Variants in FMNL2 observed in about 807,000 individuals in gnomAD.
FMNL2 encodes the protein formin like 2.
Under a neutral mutation model 130.2 loss-of-function variants are expected in FMNL2, and 51 were observed. That is an observed-to-expected ratio of 0.39 (90% CI 0.31 to 0.49). The LOEUF is 0.49. FMNL2 is among the 20% of genes least tolerant of loss of function. The pLI, the probability that FMNL2 is intolerant of heterozygous loss-of-function variation, is 0.85. For missense variants in FMNL2, 977 were observed against 1,316.2 expected, an observed-to-expected ratio of 0.74 and a Z score of 3.99; for synonymous variants, 465 against 467.1, an observed-to-expected ratio of 1.00 and a Z score of 0.06.
At chr2:152,488,288 A>G (rs952311029) in intron 1 of FMNL2, among the ~76,000 whole-genome samples, 2 of 152,162 alleles carry the variant, frequency 1.3e-5, no homozygotes, top group Non-Finnish European at 2.9e-5. Flanking sequence ...TCTTCTTATT[A>G]TTTCACAATT....
intron 1 of FMNL2, among the ~76,000 whole-genome samples, chr2:152,353,544 GCTTGTTTATGA>G (rs1236789949): frequency 2.0e-5 from 3 of 152,162 alleles, no homozygotes; most frequent in Non-Finnish European, 4.4e-5. Flanking sequence ...ATTTAACAAA[GCTTGTTTATGA>G]TCTTGGACTT....
intron 4 of FMNL2, among the ~76,000 whole-genome samples, chr2:152,551,620 T>C (rs1352588584): frequency 6.6e-5 from 10 of 152,198 alleles, no homozygotes; most frequent in African/African-American, 2.4e-4. Context: ...AATTACTCAA[T>C]AATGATGAAA....
intron 1 of FMNL2, among the ~76,000 whole-genome samples, chr2:152,452,685 G>A (rs188154581): frequency 1.3e-4 from 20 of 149,206 alleles, no homozygotes; most frequent in South Asian, 1.0e-3. Flanking sequence ...TTGGTGGGGA[G>A]CAGTAACCGA....
At chr2:152,424,331 G>A (rs1299706729) in intron 1 of FMNL2, among the ~76,000 whole-genome samples, 1 of 151,828 alleles carries the variant, frequency 6.6e-6, no homozygotes, top group Non-Finnish European at 1.5e-5. Flanking sequence ...CATACTTAAT[G>A]TGTAATGTAC....
rs1198316488 is a variant in FMNL2 at position 152,630,097 on chromosome 2, T to C, written c.2550+192T>C. On this transcript the variant is annotated intron_variant, in intron 20 of 25. Coordinates refer to ENST00000288670, the MANE Select transcript of FMNL2 (RefSeq NM_052905.4). Reference sequence around the variant, plus strand: ...TTACTCATACCCTTTGACTCAGTATTTCCATTTCTAGGAATTTTTTCTCAA... The same window carrying C: ...TTACTCATACCCTTTGACTCAGTATCTCCATTTCTAGGAATTTTTTCTCAA... 2.6e-5 allele frequency among the ~76,000 whole-genome samples: 4 copies of C among 152,232 alleles called. No individual in the cohort carries two copies. The East Asian group carries it at 7.7e-4, about 29-fold the overall frequency.
chr2:152,385,540 C>T lies in FMNL2; in HGVS notation c.117+49820C>T, dbSNP rs115528266. ...GCCCTATGAATGTGTAATATGTTGT[C>T]GACCAGATGGTCATATAATGCTCAC... On this transcript the variant is annotated intron_variant, in intron 1 of 25. Coordinates refer to ENST00000288670, the MANE Select transcript of FMNL2 (RefSeq NM_052905.4). Among the ~76,000 whole-genome samples the T allele has an allele frequency of 6.7e-3, 1,024 of 152,216 alleles. 20 individuals carry two copies. The highest frequency in any genetic ancestry group is 0.023 in the African/African-American group (969 of 41,516).
chr2:152,383,273 C>CTTTTTTTTTTTT (rs35206829), intron 1 of FMNL2, among the ~76,000 whole-genome samples: 254 of 97,444 alleles, frequency 2.6e-3, no homozygotes, highest in Middle Eastern at 7.8e-3. Context: ...TCCGTTAATC[C>CTTTTTTTTTTTT]TTTTTTTTTT....
chr2:152,553,099 A>G (rs1695026974), intron 4 of FMNL2, among the ~76,000 whole-genome samples: 1 of 151,636 alleles, frequency 6.6e-6, no homozygotes, highest in Non-Finnish European at 1.5e-5. Flanking sequence ...GAAGATGCTG[A>G]GGAACTGCTT....
At chr2:152,346,069 C>T (rs892567364) in intron 1 of FMNL2, among the ~76,000 whole-genome samples, 6 of 151,886 alleles carry the variant, frequency 4.0e-5, no homozygotes, top group Admixed American at 1.3e-4. Flanking sequence ...CTGTTGCCCA[C>T]GCTGGAGTGC....
rs1251072445 is a variant in FMNL2, at chr2:152,649,369, A to AACTT, written c.*1466_*1469dup. 2.0e-5 allele frequency: 3 copies of AACTT among 152,490 alleles called. No individual in the cohort carries two copies. Among genetic ancestry groups the AACTT allele is most frequent in the Non-Finnish European group, 4.4e-5 (3 of 68,020 alleles). 9.4% of individuals were successfully genotyped at this position (152,490 alleles called of 1,614,324 possible). A position where few individuals can be genotyped will look rare whatever the true frequency, so the allele number is the denominator to read the frequency against. On this transcript the variant is annotated 3_prime_UTR_variant, in exon 26 of 26. Coordinates refer to ENST00000288670, the MANE Select transcript of FMNL2 (RefSeq NM_052905.4). The stretch of plus-strand genomic sequence containing the variant: ...TGCTATACAATCTGAATGTTATTTT[A>AACTT]ACTTATAGTTTTTTTTAATATATAT...
At chr2:152,618,778 G>T in intron 13 of FMNL2, 68 bp from the exon 14 acceptor site, 2 of 1,367,978 alleles carry the variant, frequency 1.5e-6, no homozygotes, top group Admixed American at 2.4e-5. Flanking sequence ...TCCTCAGTTT[G>T]CCAATCTGAT....
At chr2:152,568,837 A>G (rs532167558) in intron 6 of FMNL2, among the ~76,000 whole-genome samples, 1 of 152,280 alleles carries the variant, frequency 6.6e-6, no homozygotes, top group East Asian at 1.9e-4. Context: ...CATGGGGATT[A>G]TGGGAACTAC....
intron 1 of FMNL2, among the ~76,000 whole-genome samples, chr2:152,392,788 G>A (rs993327599): frequency 1.3e-5 from 2 of 152,202 alleles, no homozygotes; most frequent in African/African-American, 4.8e-5. Flanking sequence ...CCTTTTGGGA[G>A]TGGGCAGTGG....
At chr2:152,490,376 C>G (rs561518234) in intron 1 of FMNL2, among the ~76,000 whole-genome samples, 10 of 152,056 alleles carry the variant, frequency 6.6e-5, no homozygotes, top group Non-Finnish European at 1.3e-4. Flanking sequence ...CGTAAGTGTA[C>G]AGCATCATTC....
At chr2:152,540,094 A>C (rs951835860) in intron 2 of FMNL2, among the ~76,000 whole-genome samples, 1 of 151,970 alleles carries the variant, frequency 6.6e-6, no homozygotes, top group East Asian at 1.9e-4. Flanking sequence ...TCTCAAAAAA[A>C]TTTTTTTTGA....
At chr2:152,511,679 T>C (rs939960760) in intron 1 of FMNL2, among the ~76,000 whole-genome samples, 2 of 152,122 alleles carry the variant, frequency 1.3e-5, no homozygotes, top group Admixed American at 6.6e-5. Flanking sequence ...GGTTCAGTAA[T>C]CGTTTCCAGA....
chr2:152,540,023 G>A (rs1243126640), intron 2 of FMNL2, among the ~76,000 whole-genome samples: 1 of 152,108 alleles, frequency 6.6e-6, no homozygotes, highest in Non-Finnish European at 1.5e-5. Flanking sequence ...CTGGGAAGTC[G>A]AGGCTGCAGT....
At chr2:152,530,865 G>A (rs10180234) in intron 2 of FMNL2, among the ~76,000 whole-genome samples, 118,074 of 152,074 alleles carry the variant, frequency 0.78, 47,321 homozygotes, top group Non-Finnish European at 0.9. Context: ...TACAAGGTAA[G>A]TTGGTTTAAA....
At chr2:152,533,650 A>AG (rs2105454558) in intron 2 of FMNL2, among the ~76,000 whole-genome samples, 1 of 151,056 alleles carries the variant, frequency 6.6e-6, no homozygotes, top group South Asian at 2.1e-4. Flanking sequence ...AGAAAAAAAA[A>AG]CCTTCCAGGA....
Sources: allele counts gnomAD v4.1 joint callset (sites outside exome capture counted in the v4.1 genomes callset), GRCh38; gene constraint gnomAD v4.1.1; transcripts MANE v1.5; gene names NCBI Gene and HGNC (gene_info 2026-07-23, HGNC 2026-07-21).